The following PDS5A variants were observed in gnomAD, a reference collection of about 807,000 sequenced individuals.
PDS5A encodes the protein sister chromatid cohesion protein PDS5 homolog A.
Under a neutral mutation model 167.1 loss-of-function variants are expected in PDS5A, and 42 were observed. The observed-to-expected ratio is 0.25, with a 90% CI of 0.20 to 0.33. The LOEUF is 0.33. Ranked by LOEUF, PDS5A falls within the 10% of genes least tolerant of loss-of-function variation. The probability of loss-of-function intolerance (pLI) is 1.00; values close to 1 mark genes in which losing one functional copy is unlikely to be tolerated. For synonymous variants in PDS5A, 553 were observed against 554.6 expected, an observed-to-expected ratio of 1.00 and a Z score of 0.04; for missense variants, 1,033 against 1,605.9, an observed-to-expected ratio of 0.64 and a Z score of 6.10.
intron 26 of PDS5A, among the ~76,000 whole-genome samples, chr4:39,851,711 A>G (rs1718139247): frequency 6.6e-6 from 1 of 152,252 alleles, no homozygotes; most frequent in African/African-American, 2.4e-5. Context: ...AATAAATATA[A>G]TAAACATTAT....
intron 17 of PDS5A, among the ~76,000 whole-genome samples, chr4:39,889,644 A>G (rs923220226): frequency 6.6e-6 from 1 of 152,250 alleles, no homozygotes; most frequent in Non-Finnish European, 1.5e-5. Flanking sequence ...CGTAATAAAA[A>G]ATCAATAGCT....
At chr4:39,935,819 G>A (rs573555366) in intron 2 of PDS5A, among the ~76,000 whole-genome samples, 1 of 152,288 alleles carries the variant, frequency 6.6e-6, no homozygotes, top group Middle Eastern at 3.4e-3. Flanking sequence ...TAACTGTATG[G>A]CAGTTCTTCA....
chr4:39,901,148 A>G (rs1049682307), intron 13 of PDS5A, among the ~76,000 whole-genome samples: 1 of 152,180 alleles, frequency 6.6e-6, no homozygotes, highest in African/African-American at 2.4e-5. Flanking sequence ...TCTTTGTCAG[A>G]TATTTTGAAA....
intron 26 of PDS5A, among the ~76,000 whole-genome samples, chr4:39,860,081 A>G (rs1718857491): frequency 1.3e-5 from 2 of 151,516 alleles, no homozygotes; most frequent in South Asian, 4.2e-4. Context: ...AAAGAGAGAG[A>G]AAAAAAAAGG....
At chr4:39,917,774 C>T (rs868696751) in intron 7 of PDS5A, among the ~76,000 whole-genome samples, 7 of 152,256 alleles carry the variant, frequency 4.6e-5, no homozygotes, top group Middle Eastern at 3.4e-3. Flanking sequence ...AAGGTTTCAC[C>T]GTGTTGGCCA....
intron 14 of PDS5A, among the ~76,000 whole-genome samples, chr4:39,899,373 A>G (rs1362087323): frequency 2.0e-5 from 3 of 152,188 alleles, no homozygotes; most frequent in South Asian, 4.1e-4. Context: ...AATTTAGTTC[A>G]AAAGTTAGAA....
chr4:39,949,834 A>AAAAAAAAAAAAAAAAAAAAAC (rs1728176429), intron 2 of PDS5A, among the ~76,000 whole-genome samples: 1 of 150,598 alleles, frequency 6.6e-6, no homozygotes, highest in Non-Finnish European at 1.5e-5. Flanking sequence ...AAAAAAAAAA[A>AAAAAAAAAAAAAAAAAAAAAC]AGAAAAACAC....
At chr4:39,967,752 G>A (rs1322085522) in intron 2 of PDS5A, among the ~76,000 whole-genome samples, 1 of 151,980 alleles carries the variant, frequency 6.6e-6, no homozygotes, top group Non-Finnish European at 1.5e-5. Context: ...GAGGTCAGGA[G>A]TTCGAGACCA....
chr4:39,838,265 T>C, intron 31 of PDS5A, 57 bp from the exon 32 acceptor site: 1 of 1,202,330 alleles, frequency 8.3e-7, no homozygotes, highest in South Asian at 1.6e-5. Flanking sequence ...TAATGATCTC[T>C]ATTAGAAAAG....
intron 26 of PDS5A, among the ~76,000 whole-genome samples, chr4:39,855,773 C>T (rs958838175): frequency 6.6e-6 from 1 of 151,868 alleles, no homozygotes; most frequent in African/African-American, 2.4e-5. Flanking sequence ...GTAGACAAGG[C>T]AATTGAAAAT....
At chr4:39,913,067 GTTTAT>G (rs940618884) in intron 9 of PDS5A, among the ~76,000 whole-genome samples, 8 of 147,882 alleles carry the variant, frequency 5.4e-5, no homozygotes, top group African/African-American at 1.7e-4. Flanking sequence ...CTGCAATGCT[GTTTAT>G]TTATTCTAAT....
chr4:39,908,257 C>T, intron 11 of PDS5A, 138 bp downstream of exon 11: 2 of 739,312 alleles, frequency 2.7e-6, no homozygotes, highest in Non-Finnish European at 4.7e-6. Context: ...AGGAAACATA[C>T]AAATTAGGAG....
At chr4:39,873,482 T>C (rs1209086117) in intron 20 of PDS5A, among the ~76,000 whole-genome samples, 1 of 152,214 alleles carries the variant, frequency 6.6e-6, no homozygotes, top group African/African-American at 2.4e-5. Context: ...TCTTACCCTG[T>C]GGAAGCATTT....
chr4:39,910,989 C>T (rs937642005), intron 9 of PDS5A, among the ~76,000 whole-genome samples: 1 of 152,170 alleles, frequency 6.6e-6, no homozygotes, highest in South Asian at 2.1e-4. Context: ...CAAAAATCAG[C>T]CGGGCGTGGA....
chr4:39,838,975 CA>C (rs1560415918), intron 31 of PDS5A, among the ~76,000 whole-genome samples: 1 of 151,572 alleles, frequency 6.6e-6, no homozygotes, highest in Non-Finnish European at 1.5e-5. Flanking sequence ...GCAACAAGAG[CA>C]AAACTCTGTC....
chr4:39,960,550 A>AT lies in PDS5A; in HGVS notation c.138+15889dup, dbSNP rs753724680. Reference sequence around the variant, plus strand: ...TTCTATTGCAACAGTTATCTTGAACATTTTTTTTTTTTAAGAGACAGGGTC... The same window carrying AT: ...TTCTATTGCAACAGTTATCTTGAACATTTTTTTTTTTTTAAGAGACAGGGTC... On this transcript the variant is annotated intron_variant, in intron 2 of 32. Coordinates refer to ENST00000303538, the MANE Select transcript of PDS5A (RefSeq NM_001100399.2). Among the ~76,000 whole-genome samples the AT allele has an allele frequency of 6.6e-3, 965 of 146,596 alleles. 4 individuals carry two copies. The highest frequency in any genetic ancestry group is 0.011 in the Non-Finnish European group (721 of 66,176).
chr4:39,825,472 T>G lies in PDS5A; in HGVS notation c.*13A>C. On this transcript the variant is annotated 3_prime_UTR_variant, in exon 33 of 33. Coordinates refer to ENST00000303538, the MANE Select transcript of PDS5A (RefSeq NM_001100399.2). Reference sequence around the variant, plus strand: ...CTGTTTGGCCTTCATTTTCTCCCTTTGCAAATGCATTTTTACCTTAGGGTT... The same window carrying G: ...CTGTTTGGCCTTCATTTTCTCCCTTGGCAAATGCATTTTTACCTTAGGGTT... The G allele has an allele frequency of 6.3e-7, 1 of 1,581,430 alleles. No individual in the cohort carries two copies. Among genetic ancestry groups the G allele is most frequent in the East Asian group, 2.3e-5 (1 of 44,386 alleles).
intron 10 of PDS5A, 85 bp from the exon 11 acceptor site, chr4:39,908,625 A>C: frequency 1.2e-6 from 1 of 830,810 alleles, no homozygotes. Flanking sequence ...AAATATGTTA[A>C]GTTTTTGTCC....
intron 17 of PDS5A, among the ~76,000 whole-genome samples, chr4:39,883,781 C>T (rs969415452): frequency 6.6e-6 from 1 of 152,022 alleles, no homozygotes; most frequent in African/African-American, 2.4e-5. Flanking sequence ...CAGGCGCATG[C>T]CATGGTATCC....
Sources: allele counts gnomAD v4.1 joint callset (sites outside exome capture counted in the v4.1 genomes callset), GRCh38; gene constraint gnomAD v4.1.1; transcripts MANE v1.5; gene names NCBI Gene and HGNC (gene_info 2026-07-23, HGNC 2026-07-21).